Variants in RNF144A observed in about 807,000 individuals in gnomAD.
The protein encoded by RNF144A is E3 ubiquitin-protein ligase RNF144A.
RNF144A carries 11 observed loss-of-function variants against 38.7 expected under a neutral mutation model. That is an observed-to-expected ratio of 0.28 (90% CI 0.18 to 0.47). RNF144A has a LOEUF of 0.47. Among genes scored for constraint, RNF144A ranks in the 20% least tolerant of loss-of-function variants. The pLI is 0.99. For missense variants in RNF144A, 316 were observed against 377.2 expected (o/e 0.84, Z 1.34); for synonymous variants, 149 against 143.9 (o/e 1.04, Z -0.25).
intron 1 of RNF144A, among the ~76,000 whole-genome samples, chr2:6,939,031 G>A (rs1025051302): frequency 6.0e-5 from 9 of 150,012 alleles, no homozygotes; most frequent in Non-Finnish European, 1.2e-4. Context: ...TATGAATAAT[G>A]CAGCTGTGAA....
chr2:6,968,222 A>G (rs893773738), intron 2 of RNF144A, among the ~76,000 whole-genome samples: 1 of 152,206 alleles, frequency 6.6e-6, no homozygotes, highest in African/African-American at 2.4e-5. Context: ...TGAGAAGGCT[A>G]GGGGAGGTAT....
At chr2:7,062,018 T>C (rs1371166645) in intron 6 of RNF144A, among the ~76,000 whole-genome samples, 5 of 152,174 alleles carry the variant, frequency 3.3e-5, no homozygotes, top group African/African-American at 1.2e-4. Flanking sequence ...TGTCCCTGAG[T>C]TGAGTGGTGA....
In RNF144A at chr2:6,944,160, G is replaced by A. The variant is rs982888762; in HGVS notation, c.-12+3013G>A. On this transcript the variant is annotated intron_variant, in intron 2 of 8. Transcript: ENST00000320892. The surrounding 1 kb of genome is among the most constrained non-coding windows in gnomAD (Gnocchi z 4.7). Reference sequence around the variant, plus strand: ...GACAGCGGGTCTGAGGGAGGAAGGAGCAGAGGAGGAGCCATTGGAGATGCG... The same window carrying A: ...GACAGCGGGTCTGAGGGAGGAAGGAACAGAGGAGGAGCCATTGGAGATGCG... Among the ~76,000 whole-genome samples, 2 of 152,154 alleles carry A rather than the reference G, an allele frequency of 1.3e-5. No individual in the cohort carries two copies. Among genetic ancestry groups the A allele is most frequent in the Admixed American group, 6.5e-5 (1 of 15,278 alleles).
Position 7,039,616 on chromosome 2 carries a change from T to G in RNF144A, c.748-13T>G. 11 of 1,613,858 alleles carry G rather than the reference T, an allele frequency of 6.8e-6. No individual in the cohort carries two copies. Among genetic ancestry groups the G allele is most frequent in the Non-Finnish European group, 9.3e-6 (11 of 1,179,838 alleles). On this transcript the variant is annotated splice_polypyrimidine_tract_variant and intron_variant, in intron 8 of 8. Transcript: ENST00000320892. ...GCCCTCCTTACCTCTACCCCTTTGT[T>G]TCTTTCTTCCAGGTTGTGGGCATTT...
chr2:7,009,687 C>G (rs954351857), intron 3 of RNF144A, among the ~76,000 whole-genome samples: 6 of 152,208 alleles, frequency 3.9e-5, no homozygotes, highest in Non-Finnish European at 8.8e-5. Flanking sequence ...CCAGGGCCAT[C>G]CAGTGAGAGT....
chr2:6,992,107 G>T (rs1669425707), intron 2 of RNF144A, among the ~76,000 whole-genome samples: 1 of 152,192 alleles, frequency 6.6e-6, no homozygotes, highest in African/African-American at 2.4e-5. Flanking sequence ...TTGAAGAACG[G>T]TGCACTTGGT....
At chr2:6,935,029 A>G (rs1665477972) in intron 1 of RNF144A, among the ~76,000 whole-genome samples, 1 of 151,996 alleles carries the variant, frequency 6.6e-6, no homozygotes, top group South Asian at 2.1e-4. Flanking sequence ...CTTCCAGGCC[A>G]TTGCACCTTC....
intron 2 of RNF144A, among the ~76,000 whole-genome samples, chr2:6,965,338 G>T (rs1253444366): frequency 6.6e-6 from 1 of 152,192 alleles, no homozygotes; most frequent in Admixed American, 6.5e-5. Flanking sequence ...GCAAGGTGGG[G>T]AGCGGCCCCC....
At chr2:7,003,693 A>G (rs1670261786) in intron 3 of RNF144A, among the ~76,000 whole-genome samples, 1 of 152,158 alleles carries the variant, frequency 6.6e-6, no homozygotes, top group African/African-American at 2.4e-5. Context: ...TTCTTGGACA[A>G]CTCATGACTG....
In RNF144A at chr2:6,934,496, TA is replaced by T. The variant is rs530867424; in HGVS notation, c.-211-6451del. ...AATAGAAATATTATTTTTATGTAGT[TA>T]GAACTTTACCACTTCCTTATTTCTG... On this transcript the variant is annotated intron_variant, in intron 1 of 8. Transcript: ENST00000320892. Among the ~76,000 whole-genome samples the T allele has an allele frequency of 1.4e-4, 22 of 152,368 alleles. No homozygotes were observed. The South Asian group carries it at 4.3e-3, about 30-fold the overall frequency.
At chr2:7,000,627 G>GAAGTA (rs1670035863) in intron 3 of RNF144A, among the ~76,000 whole-genome samples, 1 of 152,174 alleles carries the variant, frequency 6.6e-6, no homozygotes, top group Admixed American at 6.5e-5. Flanking sequence ...ACAGCTGCTA[G>GAAGTA]AAGTAGAGAT....
intron 2 of RNF144A, among the ~76,000 whole-genome samples, chr2:6,969,547 C>T (rs1198937460): frequency 6.6e-6 from 1 of 152,210 alleles, no homozygotes; most frequent in South Asian, 2.1e-4. Flanking sequence ...GCCACTCAGT[C>T]TGTGGTGTTT....
At chr2:6,924,839 G>A (rs1192195296) in intron 1 of RNF144A, among the ~76,000 whole-genome samples, 3 of 152,356 alleles carry the variant, frequency 2.0e-5, no homozygotes, top group East Asian at 1.9e-4. Flanking sequence ...TGAGGAATCC[G>A]TTTTCTGAGT....
chr2:6,961,665 A>C (rs528683357), intron 2 of RNF144A, among the ~76,000 whole-genome samples: 1 of 152,368 alleles, frequency 6.6e-6, no homozygotes, highest in East Asian at 1.9e-4. Context: ...CCATGCCTTC[A>C]TGTCTGGCAC....
At chr2:7,035,448 A>G (rs1672610261) in intron 8 of RNF144A, among the ~76,000 whole-genome samples, 1 of 152,174 alleles carries the variant, frequency 6.6e-6, no homozygotes, top group Non-Finnish European at 1.5e-5. Flanking sequence ...TAAAGTCCTC[A>G]TCTTGACCCA....
rs755434798 is a variant in RNF144A, at chr2:7,041,246, T to G, written c.*1486T>G. 2.0e-6 allele frequency: 2 copies of G among 985,566 alleles called. No homozygotes were observed. The highest frequency in any genetic ancestry group is 6.1e-5 in the Admixed American group (1 of 16,274). 61.1% of individuals were successfully genotyped at this position (985,566 alleles called of 1,614,324 possible). On this transcript the variant is annotated 3_prime_UTR_variant, in exon 9 of 9. Transcript: ENST00000320892. ...CCATCACAAGCACATTTTTAAAATG[T>G]TGCTTTGTGTGTGTTTGACTTCTGC...
At chr2:6,934,154 A>G (rs1028044898) in intron 1 of RNF144A, among the ~76,000 whole-genome samples, 1 of 152,216 alleles carries the variant, frequency 6.6e-6, no homozygotes, top group African/African-American at 2.4e-5. Flanking sequence ...CTTTCTCCAC[A>G]TTCAACAGTA....
intron 1 of RNF144A, among the ~76,000 whole-genome samples, chr2:6,940,596 G>T (rs1309241255): frequency 2.0e-5 from 3 of 150,984 alleles, no homozygotes; most frequent in Non-Finnish European, 4.4e-5. Flanking sequence ...TCTCATGATT[G>T]CCCTGAGAAG....
Position 7,043,926 on chromosome 2 carries a change from CA to C in RNF144A, c.*4170del. On this transcript the variant is annotated 3_prime_UTR_variant, in exon 9 of 9. Coordinates refer to ENST00000320892, the MANE Select transcript of RNF144A (RefSeq NM_014746.6). Reference sequence around the variant, plus strand: ...ATGTATTTGACAAGTGGTGGTGAAACAAAATCAAAACAGATTTGATTTGTGT... The same window carrying C: ...ATGTATTTGACAAGTGGTGGTGAAACAAATCAAAACAGATTTGATTTGTGT... 2 of 985,774 alleles carry C rather than the reference CA, an allele frequency of 2.0e-6. No individual in the cohort carries two copies. The highest frequency in any genetic ancestry group is 2.4e-6 in the Non-Finnish European group (2 of 829,902). The allele number at this position is 985,774 out of a possible 1,614,324, so 61.1% of individuals were successfully genotyped here.
Sources: allele counts gnomAD v4.1 joint callset (sites outside exome capture counted in the v4.1 genomes callset), GRCh38; gene constraint gnomAD v4.1.1; non-coding constraint Gnocchi (gnomAD v3.1); transcripts MANE v1.5; gene names NCBI Gene and HGNC (gene_info 2026-07-23, HGNC 2026-07-21).